The following MLLT3 variants were observed in gnomAD, a reference collection of about 807,000 sequenced individuals.
The protein encoded by MLLT3 is MLLT3 super elongation complex subunit.
MLLT3 carries 4 observed loss-of-function variants against 53.2 expected under a neutral mutation model. The ratio of observed to expected loss-of-function variants is 0.08; its 90% CI spans 0.04 to 0.17. MLLT3 has a LOEUF of 0.17. Among genes scored for constraint, MLLT3 ranks in the 10% least tolerant of loss-of-function variants. The pLI is 1.00. For missense variants in MLLT3, 569 were observed against 684.0 expected (o/e 0.83, Z 1.87); for synonymous variants, 283 against 230.6 (o/e 1.23, Z -2.06).
intron 2 of MLLT3, among the ~76,000 whole-genome samples, chr9:20,481,335 C>T (rs1294214792): frequency 6.6e-6 from 1 of 152,200 alleles, no homozygotes; most frequent in Non-Finnish European, 1.5e-5. Context: ...CAGGAGCAAA[C>T]ATTTTCCTAT....
At chr9:20,410,518 G>A (rs1330190098) in intron 5 of MLLT3, 3 of 152,106 alleles carry the variant, frequency 2.0e-5, no homozygotes, top group African/African-American at 7.2e-5. Flanking sequence ...GACACAGCCT[G>A]TCTGACACCA....
chr9:20,393,050 G>A (rs933952152), intron 5 of MLLT3, among the ~76,000 whole-genome samples: 3 of 152,120 alleles, frequency 2.0e-5, no homozygotes, highest in Non-Finnish European at 2.9e-5. Context: ...AGCTACTTAG[G>A]AGGCTGAGGC....
chr9:20,439,256 T>A (rs186988789), intron 4 of MLLT3, among the ~76,000 whole-genome samples: 1 of 152,060 alleles, frequency 6.6e-6, no homozygotes, highest in Non-Finnish European at 1.5e-5. Context: ...CTCAGGAGAC[T>A]GAGGCAGGAG....
chr9:20,497,102 T>C (rs1417275402), intron 2 of MLLT3, among the ~76,000 whole-genome samples: 1 of 152,218 alleles, frequency 6.6e-6, no homozygotes, highest in Admixed American at 6.5e-5. Context: ...TGGCTCTAGA[T>C]TTAAATGGTT....
chr9:20,519,528 T>G (rs1818004793), intron 2 of MLLT3, among the ~76,000 whole-genome samples: 1 of 152,126 alleles, frequency 6.6e-6, no homozygotes, highest in Non-Finnish European at 1.5e-5. Flanking sequence ...ATAGTTAAAC[T>G]CACAGAATAT....
chr9:20,388,037 T>C (rs897437280), intron 5 of MLLT3, among the ~76,000 whole-genome samples: 15 of 152,198 alleles, frequency 9.9e-5, no homozygotes, highest in Admixed American at 6.5e-4. Flanking sequence ...TTATGGCCAA[T>C]TTGATGTTTA....
At chr9:20,350,547 A>G (rs904845099) in intron 10 of MLLT3, among the ~76,000 whole-genome samples, 1 of 146,760 alleles carries the variant, frequency 6.8e-6, no homozygotes, top group Non-Finnish European at 1.5e-5. Context: ...GTGAGCCGAG[A>G]TCCCGCCACT....
chr9:20,577,238 CCCT>C (rs1280284199), intron 2 of MLLT3, among the ~76,000 whole-genome samples: 1 of 152,062 alleles, frequency 6.6e-6, no homozygotes, highest in East Asian at 1.9e-4. Context: ...AGTATTGCTT[CCCT>C]CCTATTTTTA....
chr9:20,456,579 A>G (rs370763771), intron 3 of MLLT3, 125 bp downstream of exon 3: 19 of 683,032 alleles, frequency 2.8e-5, no homozygotes, highest in East Asian at 8.6e-5. Context: ...TTCCTAGAAG[A>G]CAAATTTAAC....
chr9:20,546,770 C>A (rs1818798967), intron 2 of MLLT3, among the ~76,000 whole-genome samples: 1 of 152,248 alleles, frequency 6.6e-6, no homozygotes, highest in Non-Finnish European at 1.5e-5. Flanking sequence ...CCCATCCTGT[C>A]CCGTGGAACA....
intron 5 of MLLT3, among the ~76,000 whole-genome samples, chr9:20,379,095 C>G (rs1821846929): frequency 6.6e-6 from 1 of 152,022 alleles, no homozygotes; most frequent in African/African-American, 2.4e-5. Flanking sequence ...CCTTTTACCG[C>G]CTTTTCTCAC....
At chr9:20,608,430 T>C (rs1467471902) in intron 2 of MLLT3, among the ~76,000 whole-genome samples, 1 of 151,994 alleles carries the variant, frequency 6.6e-6, no homozygotes, top group Non-Finnish European at 1.5e-5. Flanking sequence ...TATACTGTAC[T>C]GATATATTAC....
At chr9:20,557,787 G>A (rs992300249) in intron 2 of MLLT3, among the ~76,000 whole-genome samples, 1 of 152,164 alleles carries the variant, frequency 6.6e-6, no homozygotes, top group Non-Finnish European at 1.5e-5. Flanking sequence ...CCCTGTTTCA[G>A]AAACAGAAAA....
chr9:20,436,973 C>T (rs982078271), intron 4 of MLLT3, among the ~76,000 whole-genome samples: 2 of 152,084 alleles, frequency 1.3e-5, no homozygotes, highest in Admixed American at 1.3e-4. Flanking sequence ...GGTACCAACA[C>T]CTCATTTTAC....
At chr9:20,377,963 T>C (rs1429059475) in intron 5 of MLLT3, among the ~76,000 whole-genome samples, 2 of 152,042 alleles carry the variant, frequency 1.3e-5, no homozygotes, top group South Asian at 2.1e-4. Context: ...TCTTCCTCAA[T>C]AGAATTAGAA....
At chr9:20,587,934 G>C (rs1193568628) in intron 2 of MLLT3, among the ~76,000 whole-genome samples, 3 of 151,784 alleles carry the variant, frequency 2.0e-5, no homozygotes, top group African/African-American at 7.3e-5. Flanking sequence ...TGTCCTGAAT[G>C]GTAATGCCTA....
chr9:20,375,457 C>T (rs1214178524), intron 5 of MLLT3, among the ~76,000 whole-genome samples: 1 of 152,142 alleles, frequency 6.6e-6, no homozygotes, highest in African/African-American at 2.4e-5. Context: ...ATCTTCTGAT[C>T]CACACCCAAA....
intron 2 of MLLT3, among the ~76,000 whole-genome samples, chr9:20,604,044 T>C (rs1460742426): frequency 6.6e-6 from 1 of 152,106 alleles, no homozygotes. Context: ...ATTGAATGGC[T>C]GAAGCCTCAG....
At chr9:20,369,963 C>G (rs1318150667) in intron 5 of MLLT3, among the ~76,000 whole-genome samples, 1 of 152,210 alleles carries the variant, frequency 6.6e-6, no homozygotes. Context: ...CAATGAGGTT[C>G]TGATTTTTTC....
Sources: allele counts gnomAD v4.1 joint callset (sites outside exome capture counted in the v4.1 genomes callset), GRCh38; gene constraint gnomAD v4.1.1; transcripts MANE v1.5; gene names NCBI Gene and HGNC (gene_info 2026-07-23, HGNC 2026-07-21).